Variants in ACKR2 observed in about 807,000 individuals in gnomAD.
The protein encoded by ACKR2 is C-C chemokine receptor D6.
For synonymous variants in ACKR2, 207 were observed against 192.2 expected, an observed-to-expected ratio of 1.08 and a Z score of -0.64; for missense variants, 457 against 477.3, an observed-to-expected ratio of 0.96 and a Z score of 0.40.
At chr3:42,829,333 G>A (rs944978533) in intron 2 of ACKR2, among the ~76,000 whole-genome samples, 1 of 152,142 alleles carries the variant, frequency 6.6e-6, no homozygotes, top group Non-Finnish European at 1.5e-5. Flanking sequence ...ACATTACTCT[G>A]TTCCAGGCAA....
rs559083050 is a variant in ACKR2, at chr3:42,822,332, A to G, written c.-38+2621A>G. On this transcript the variant is annotated intron_variant, in intron 2 of 2. Transcript: ENST00000422265. ...ATATTATTGCTATAATCACAAAACA[A>G]TTTTTAAAACCTTTCACATCCTTTT... is the stretch of plus-strand genomic sequence containing the variant. Among the ~76,000 whole-genome samples the G allele has an allele frequency of 1.4e-4, 21 of 152,294 alleles. 1 individual carries two copies. The highest frequency in any genetic ancestry group is 4.8e-4 in the African/African-American group (20 of 41,576).
rs543995148 is a variant in ACKR2 at position 42,809,988 on chromosome 3, G to A, written c.-119+456G>A. Among the ~76,000 whole-genome samples, 53 of 152,270 alleles carry A rather than the reference G, an allele frequency of 3.5e-4. 1 individual carries two copies. The South Asian group carries it at 8.5e-3, about 24-fold the overall frequency. ...GAGGGTATGACAGATAGACAGGAGG[G>A]TAAGACAGGTTGGTTAGAAACTTTG... On this transcript the variant is annotated intron_variant, in intron 1 of 2. Coordinates refer to ENST00000422265, the MANE Select transcript of ACKR2 (RefSeq NM_001296.5).
intron 2 of ACKR2, among the ~76,000 whole-genome samples, chr3:42,838,469 G>C (rs77691759): frequency 0.011 from 1,690 of 152,238 alleles, 28 homozygotes; most frequent in African/African-American, 0.039. Flanking sequence ...TAGTTCATAA[G>C]GAAATGCAAA....
chr3:42,824,148 C>G (rs118098158), intron 2 of ACKR2, among the ~76,000 whole-genome samples: 2 of 152,054 alleles, frequency 1.3e-5, no homozygotes, highest in African/African-American at 2.4e-5. Context: ...CAGGAAATTC[C>G]GAAATCCAAA....
intron 2 of ACKR2, among the ~76,000 whole-genome samples, chr3:42,849,287 A>G (rs944541953): frequency 6.6e-6 from 1 of 152,122 alleles, no homozygotes. Context: ...GGATCACTTG[A>G]GCTCTGGAGT....
chr3:42,834,226 G>A (rs1207960404), intron 2 of ACKR2, among the ~76,000 whole-genome samples: 5 of 152,168 alleles, frequency 3.3e-5, no homozygotes, highest in East Asian at 1.9e-4. Context: ...CCAAAGTACC[G>A]GGATTACAGG....
rs1316880611 is a variant in ACKR2, at chr3:42,820,743, A to AT, written c.-38+1032_-38+1033insT. On this transcript the variant is annotated intron_variant, in intron 2 of 2. Coordinates refer to ENST00000422265, the MANE Select transcript of ACKR2 (RefSeq NM_001296.5). ...ATAACAGTAAAAAAAAAAAAAAAAA[A>AT]AGCTAGTAACCTTGGCCTGTTGCCT... is the stretch of plus-strand genomic sequence containing the variant. Among the ~76,000 whole-genome samples, 848 of 151,510 alleles carry AT rather than the reference A, an allele frequency of 5.6e-3. 27 individuals carry two copies. Among genetic ancestry groups the AT allele is most frequent in the Admixed American group, 0.044 (660 of 15,160 alleles).
rs35395771 is a variant in ACKR2 at position 42,845,848 on chromosome 3, CAAAAAAA to C, written c.-37-18607_-37-18601del. ...TGGGCGACAGAGCAAGACTCCGTCT[CAAAAAAA>C]AAAAAAAAAAGAAAAAAGAAAAAAA... is the stretch of plus-strand genomic sequence containing the variant. On this transcript the variant is annotated intron_variant, in intron 2 of 2. Transcript: ENST00000422265. Among the ~76,000 whole-genome samples the C allele has an allele frequency of 3.0e-4, 15 of 49,432 alleles. No individual in the cohort carries two copies. In the South Asian group the frequency reaches 3.1e-3, roughly 10 times the overall value. 32.4% of individuals were successfully genotyped at this position (49,432 alleles called of 152,430 possible). A position where few individuals can be genotyped will look rare whatever the true frequency, so the allele number is the denominator to read the frequency against.
At chr3:42,812,518 G>A (rs145026777) in intron 1 of ACKR2, among the ~76,000 whole-genome samples, 203 of 152,146 alleles carry the variant, frequency 1.3e-3, no homozygotes, top group African/African-American at 4.8e-3. Flanking sequence ...TGTTTTAGAT[G>A]ACACACTTAC....
chr3:42,817,146 A>G (rs1700759693), intron 1 of ACKR2, among the ~76,000 whole-genome samples: 1 of 152,196 alleles, frequency 6.6e-6, no homozygotes, highest in Non-Finnish European at 1.5e-5. Flanking sequence ...TAAGGCACCA[A>G]GAAGAGTGCT....
At chr3:42,811,694 C>A (rs1211797039) in intron 1 of ACKR2, among the ~76,000 whole-genome samples, 1 of 151,858 alleles carries the variant, frequency 6.6e-6, no homozygotes, top group Non-Finnish European at 1.5e-5. Context: ...TCCTGCATGT[C>A]CCTGGGAATG....
chr3:42,838,355 A>G (rs1469161661), intron 2 of ACKR2, among the ~76,000 whole-genome samples: 3 of 152,196 alleles, frequency 2.0e-5, no homozygotes, highest in Admixed American at 6.5e-5. Context: ...AAGAAAACAC[A>G]CAGCCCAATT....
intron 2 of ACKR2, among the ~76,000 whole-genome samples, chr3:42,840,732 G>A (rs1701028785): frequency 6.6e-6 from 1 of 152,154 alleles, no homozygotes; most frequent in Admixed American, 6.5e-5. Context: ...CTGTCGCCCA[G>A]GCTGGAGTGC....
At chr3:42,848,213 A>ATTTTTTT (rs36054454) in intron 2 of ACKR2, among the ~76,000 whole-genome samples, 11 of 74,920 alleles carry the variant, frequency 1.5e-4, no homozygotes, top group East Asian at 4.1e-4. Flanking sequence ...AAAAAAAAAA[A>ATTTTTTT]TTTTTTTTTT....
At chr3:42,826,054 G>A (rs1358234225) in intron 2 of ACKR2, among the ~76,000 whole-genome samples, 1 of 151,858 alleles carries the variant, frequency 6.6e-6, no homozygotes, top group Non-Finnish European at 1.5e-5. Context: ...AGTTTCGGAT[G>A]TTGAACGGTT....
intron 2 of ACKR2, among the ~76,000 whole-genome samples, chr3:42,830,192 G>A (rs1700917755): frequency 6.6e-6 from 1 of 152,228 alleles, no homozygotes; most frequent in South Asian, 2.1e-4. Flanking sequence ...GGGGGTCTTA[G>A]ATAGTATTCC....
intron 2 of ACKR2, among the ~76,000 whole-genome samples, chr3:42,857,282 T>G (rs1419881766): frequency 6.6e-6 from 1 of 151,954 alleles, no homozygotes; most frequent in African/African-American, 2.4e-5. Context: ...ACTCACAGGG[T>G]GGTGGTGGTG....
chr3:42,813,777 A>T (rs1700719211), intron 1 of ACKR2, among the ~76,000 whole-genome samples: 1 of 152,242 alleles, frequency 6.6e-6, no homozygotes, highest in African/African-American at 2.4e-5. Flanking sequence ...GGTTCACAGC[A>T]TAAAGACTGA....
intron 1 of ACKR2, among the ~76,000 whole-genome samples, chr3:42,809,876 A>AAAT (rs1398830235): frequency 6.6e-6 from 1 of 151,634 alleles, no homozygotes; most frequent in Non-Finnish European, 1.5e-5. Context: ...AAAAAAAAAA[A>AAAT]GTTGGGGAAG....
Sources: gnomAD v4.1 joint callset for allele counts (sites outside exome capture counted in the v4.1 genomes callset) on GRCh38, gnomAD v4.1.1 for gene constraint, MANE v1.5 for transcripts, NCBI Gene and HGNC (gene_info 2026-07-23, HGNC 2026-07-21) for gene names.